The following MAP2 variants were observed in gnomAD, a reference collection of about 807,000 sequenced individuals.
The protein encoded by MAP2 is microtubule-associated protein 2.
Under a neutral mutation model 137.6 loss-of-function variants are expected in MAP2, and 14 were observed. That is an observed-to-expected ratio of 0.10 (90% CI 0.07 to 0.16). The LOEUF (loss-of-function observed/expected upper bound fraction) is 0.16. MAP2 is among the 10% of genes least tolerant of loss of function. The probability of loss-of-function intolerance (pLI) is 1.00; values close to 1 mark genes in which losing one functional copy is unlikely to be tolerated. For missense variants in MAP2, 2,088 were observed against 2,191.5 expected, an observed-to-expected ratio of 0.95 and a Z score of 0.94; for synonymous variants, 786 against 782.3, an observed-to-expected ratio of 1.00 and a Z score of -0.08.
intron 2 of MAP2, among the ~76,000 whole-genome samples, chr2:209,512,487 A>G (rs1576733430): frequency 6.6e-6 from 1 of 151,738 alleles, no homozygotes; most frequent in East Asian, 1.9e-4. Context: ...AGAAAATAAA[A>G]TGAATGAGGA....
intron 6 of MAP2, among the ~76,000 whole-genome samples, 166 bp downstream of exon 6, chr2:209,678,851 C>T (rs747493296): frequency 5.3e-5 from 8 of 152,050 alleles, no homozygotes; most frequent in African/African-American, 1.4e-4. Flanking sequence ...TCATCTTTTT[C>T]CACTGGTTTG....
In MAP2 at chr2:209,613,724, TC is replaced by T. The variant is rs373921794; in HGVS notation, c.-106-11328del. 9.2e-5 allele frequency among the ~76,000 whole-genome samples: 14 copies of T among 152,286 alleles called. No homozygotes were observed. The South Asian group carries it at 2.9e-3, about 32-fold the overall frequency. The stretch of plus-strand genomic sequence containing the variant: ...AAAAGATAAAACATTTTGAAGTCTG[TC>T]AACTATTCATTGGCTTAACATAGCT... On this transcript the variant is annotated intron_variant, in intron 3 of 15. Transcript: ENST00000682079.
At chr2:209,629,842 C>T (rs1189190218) in intron 4 of MAP2, among the ~76,000 whole-genome samples, 1 of 152,130 alleles carries the variant, frequency 6.6e-6, no homozygotes, top group Non-Finnish European at 1.5e-5. Context: ...ACAATAACAG[C>T]CCTCCTACTT....
chr2:209,730,195 A>G lies in MAP2; in HGVS notation c.5282A>G (p.Lys1761Arg). ...GGGNVKIDSQ[K>R]LNFREHAKAR... is the part of the protein sequence containing the mutation. Reference sequence around the variant, plus strand: ...TGTCTTAAACAGATTGACAGCCAAAAGTTGAACTTCAGAGAGCATGCTAAA... The same window carrying G: ...TGTCTTAAACAGATTGACAGCCAAAGGTTGAACTTCAGAGAGCATGCTAAA... The change falls in exon 16 of 16, where the codon AAG becomes AGG. Residue 1761 changes from lysine (K) to arginine (R), a missense_variant. Physicochemically the swap from Lys to Arg is conservative, Grantham distance 26. Coordinates refer to ENST00000682079, the MANE Select transcript of MAP2 (RefSeq NM_001375505.1). The G allele has an allele frequency of 6.2e-7, 1 of 1,614,004 alleles. No homozygotes were observed. Among genetic ancestry groups the G allele is most frequent in the Non-Finnish European group, 8.5e-7 (1 of 1,179,954 alleles).
chr2:209,629,563 C>T (rs1285680578), intron 4 of MAP2, among the ~76,000 whole-genome samples: 1 of 152,148 alleles, frequency 6.6e-6, no homozygotes, highest in African/African-American at 2.4e-5. Context: ...AACTCCGCTC[C>T]GTGGCACTCT....
intron 1 of MAP2, among the ~76,000 whole-genome samples, chr2:209,446,640 A>G (rs1405888232): frequency 6.6e-6 from 1 of 151,928 alleles, no homozygotes; most frequent in East Asian, 1.9e-4. Context: ...CATTATTAAA[A>G]TAGGTGGAGG....
chr2:209,621,451 G>T (rs571603546), intron 3 of MAP2, among the ~76,000 whole-genome samples: 72 of 151,588 alleles, frequency 4.7e-4, no homozygotes, highest in African/African-American at 1.7e-3. Context: ...TAGAGAGGGG[G>T]TTTTGCCATG....
At chr2:209,714,641 C>A (rs1466360916) in intron 13 of MAP2, among the ~76,000 whole-genome samples, 1 of 152,172 alleles carries the variant, frequency 6.6e-6, no homozygotes, top group African/African-American at 2.4e-5. Flanking sequence ...AGAAATAAAG[C>A]AATCTTAGTT....
intron 14 of MAP2, among the ~76,000 whole-genome samples, chr2:209,728,587 A>G (rs540103344): frequency 1.6e-4 from 25 of 152,356 alleles, no homozygotes; most frequent in African/African-American, 5.3e-4. Flanking sequence ...ATAGATGTCT[A>G]GATATTGCAT....
intron 4 of MAP2, among the ~76,000 whole-genome samples, chr2:209,645,293 C>T (rs1265035663): frequency 6.6e-6 from 1 of 152,282 alleles, no homozygotes; most frequent in African/African-American, 2.4e-5. Context: ...TTTGTACATA[C>T]AGTTTTATAA....
intron 3 of MAP2, among the ~76,000 whole-genome samples, chr2:209,583,769 A>ATTT (rs3036666): frequency 0.033 from 4,821 of 148,322 alleles, 169 homozygotes; most frequent in African/African-American, 0.085. Flanking sequence ...GACATAAATG[A>ATTT]TTTTTTTTTT....
At chr2:209,699,990 A>G (rs2061350306) in intron 10 of MAP2, among the ~76,000 whole-genome samples, 1 of 152,168 alleles carries the variant, frequency 6.6e-6, no homozygotes, top group Admixed American at 6.6e-5. Flanking sequence ...CTTACGTACT[A>G]GTGATTCAAA....
intron 3 of MAP2, among the ~76,000 whole-genome samples, chr2:209,582,657 TGATAGATAGATAGATAGATA>T (rs66881504): frequency 7.5e-4 from 113 of 149,744 alleles, no homozygotes; most frequent in Non-Finnish European, 8.4e-4. Context: ...GATAGATAGA[TGATAGATAGATAGATAGATA>T]GATAGATAGA....
chr2:209,544,362 G>C (rs994573695), intron 2 of MAP2, among the ~76,000 whole-genome samples: 1 of 152,100 alleles, frequency 6.6e-6, no homozygotes, highest in Non-Finnish European at 1.5e-5. Context: ...AAATGGTATT[G>C]GGAGAAATCT....
chr2:209,697,798 G>C (rs1435393576), intron 10 of MAP2, among the ~76,000 whole-genome samples: 1 of 152,072 alleles, frequency 6.6e-6, no homozygotes, highest in Admixed American at 6.5e-5. Flanking sequence ...CTTCCTTTTA[G>C]GAGGAACTTC....
intron 1 of MAP2, among the ~76,000 whole-genome samples, chr2:209,484,348 C>T (rs7563174): frequency 8.0e-5 from 12 of 150,598 alleles, no homozygotes; most frequent in African/African-American, 2.0e-4. Flanking sequence ...GGCTCACGCC[C>T]GTAATCCCAG....
At chr2:209,600,704 C>T (rs1253740711) in intron 3 of MAP2, among the ~76,000 whole-genome samples, 7 of 152,142 alleles carry the variant, frequency 4.6e-5, no homozygotes, top group African/African-American at 1.7e-4. Context: ...GGCAAACCTC[C>T]TTGTAGGGCT....
At chr2:209,519,179 C>T (rs1276450864) in intron 2 of MAP2, among the ~76,000 whole-genome samples, 1 of 152,068 alleles carries the variant, frequency 6.6e-6, no homozygotes, top group Non-Finnish European at 1.5e-5. Flanking sequence ...ACATTACAGG[C>T]AATCCACTAA....
chr2:209,457,588 C>G (rs986797347), intron 1 of MAP2, among the ~76,000 whole-genome samples: 1 of 152,124 alleles, frequency 6.6e-6, no homozygotes, highest in African/African-American at 2.4e-5. Context: ...AGTTCTGTGA[C>G]CTGAACATGT....
Sources: allele counts gnomAD v4.1 joint callset (sites outside exome capture counted in the v4.1 genomes callset), GRCh38; gene constraint gnomAD v4.1.1; transcripts MANE v1.5; gene names NCBI Gene and HGNC (gene_info 2026-07-23, HGNC 2026-07-21).